Variants in CCDC171 observed in about 807,000 individuals in gnomAD.
CCDC171 encodes the protein coiled-coil domain containing 171.
In CCDC171, 177 loss-of-function variants were observed where a neutral mutation model predicts 168.2. That is an observed-to-expected ratio of 1.05 (90% CI 0.93 to 1.19). CCDC171 has a LOEUF of 1.19. Ranked by LOEUF, CCDC171 falls within the 50% of genes most tolerant of loss-of-function variation. CCDC171 has a pLI of 0.00. For missense variants in CCDC171, 1,991 were observed against 1,539.0 expected, an observed-to-expected ratio of 1.29 and a Z score of -4.91; for synonymous variants, 687 against 540.8, an observed-to-expected ratio of 1.27 and a Z score of -3.75.
intron 1 of CCDC171, among the ~76,000 whole-genome samples, chr9:15,563,690 TC>T (rs1402984860): frequency 6.6e-6 from 1 of 152,142 alleles, no homozygotes; most frequent in African/African-American, 2.4e-5. Context: ...TCAACCTCTG[TC>T]CTAGGTCAGA....
chr9:15,770,192 C>G (rs746802714), intron 18 of CCDC171, among the ~76,000 whole-genome samples: 2 of 152,268 alleles, frequency 1.3e-5, no homozygotes, highest in South Asian at 4.1e-4. Context: ...TATTAAAAAA[C>G]TTGATGTCCA....
At chr9:15,573,480 C>A (rs2131116083) in intron 3 of CCDC171, among the ~76,000 whole-genome samples, 1 of 152,104 alleles carries the variant, frequency 6.6e-6, no homozygotes, top group South Asian at 2.1e-4. Flanking sequence ...TGGGGTTTTA[C>A]CATGTTGGCT....
intron 21 of CCDC171, among the ~76,000 whole-genome samples, chr9:15,836,510 T>C (rs760188224): frequency 6.6e-6 from 1 of 152,090 alleles, no homozygotes; most frequent in African/African-American, 2.4e-5. Flanking sequence ...GGACACCACG[T>C]CCGGCTAATT....
chr9:15,602,942 G>A lies in CCDC171; in HGVS notation c.675+8770G>A, dbSNP rs528136790. Among the ~76,000 whole-genome samples the A allele has an allele frequency of 6.2e-4, 95 of 152,012 alleles. No homozygotes were observed. In the South Asian group the frequency reaches 0.019, roughly 30 times the overall value. ...CAAAGTGCTGAGATTACAGGCGTGA[G>A]CCATCTCGCCTAGCCTTATTTAATT... is the stretch of plus-strand genomic sequence containing the variant. On this transcript the variant is annotated intron_variant, in intron 6 of 25. Transcript: ENST00000380701.
At chr9:16,036,367 G>A (rs926095270) in intron 8 of CCDC171, among the ~76,000 whole-genome samples, 8 of 152,334 alleles carry the variant, frequency 5.3e-5, no homozygotes, top group African/African-American at 1.2e-4. Flanking sequence ...TTTCTTGGCC[G>A]GGCACGGTGG....
At position 16,029,830 on chromosome 9, in the gene CCDC171, T is replaced by C. The variant is rs531555963; in HGVS notation, n.999-5627T>C. On this transcript the variant is annotated intron_variant and non_coding_transcript_variant, in intron 6 of 9. Transcript: ENST00000486641. The stretch of plus-strand genomic sequence containing the variant: ...ACTGAGGGGCTTGTATGTGTTCAAC[T>C]AGCTGGACCATAGCTCCTTGCCAAC... 2.6e-5 allele frequency among the ~76,000 whole-genome samples: 4 copies of C among 152,318 alleles called. No individual in the cohort carries two copies. The South Asian group carries it at 8.3e-4, about 32-fold the overall frequency.
intron 3 of CCDC171, among the ~76,000 whole-genome samples, chr9:16,012,830 G>T (rs1011828163): frequency 6.6e-6 from 1 of 152,156 alleles, no homozygotes; most frequent in African/African-American, 2.4e-5. Context: ...AGGTAGCATT[G>T]CTGTGCATGG....
chr9:15,686,728 G>A (rs2050421347), intron 10 of CCDC171, among the ~76,000 whole-genome samples: 1 of 152,098 alleles, frequency 6.6e-6, no homozygotes, highest in South Asian at 2.1e-4. Flanking sequence ...TTATAAACAT[G>A]TGTACACCTA....
chr9:15,993,223 C>T (rs1832257958), intron 3 of CCDC171, among the ~76,000 whole-genome samples: 1 of 151,966 alleles, frequency 6.6e-6, no homozygotes, highest in Admixed American at 6.5e-5. Context: ...AGCAAAACAG[C>T]ATGGTACTGG....
intron 24 of CCDC171, among the ~76,000 whole-genome samples, chr9:15,894,537 C>T (rs1324905864): frequency 6.6e-6 from 1 of 152,054 alleles, no homozygotes; most frequent in African/African-American, 2.4e-5. Context: ...CTCACTTTGG[C>T]CTTGGGCTCT....
intron 25 of CCDC171, among the ~76,000 whole-genome samples, chr9:15,929,165 T>C (rs1330465350): frequency 6.6e-6 from 1 of 151,666 alleles, no homozygotes; most frequent in Non-Finnish European, 1.5e-5. Context: ...GAGCAAGAAG[T>C]GCCAGAATTA....
chr9:15,604,040 G>A (rs1308809615), intron 6 of CCDC171, among the ~76,000 whole-genome samples: 7 of 149,714 alleles, frequency 4.7e-5, no homozygotes, highest in Non-Finnish European at 1.0e-4. Context: ...TTGGCTGCAT[G>A]TATGTCTTTT....
chr9:15,718,232 G>C (rs1035609294), intron 11 of CCDC171, among the ~76,000 whole-genome samples: 4 of 152,168 alleles, frequency 2.6e-5, no homozygotes, highest in East Asian at 1.9e-4. Context: ...TGGTGGCCAG[G>C]GGGAGAGACT....
the CCDC171 span, among the ~76,000 whole-genome samples, chr9:16,086,003 CT>C: frequency 3.3e-5 from 5 of 151,910 alleles, no homozygotes; most frequent in Non-Finnish European, 7.4e-5. Context: ...AGAAGTTTCT[CT>C]TTTTCTGTTG....
At chr9:15,806,550 T>A (rs1269717932) in intron 21 of CCDC171, among the ~76,000 whole-genome samples, 1 of 152,212 alleles carries the variant, frequency 6.6e-6, no homozygotes, top group East Asian at 1.9e-4. Flanking sequence ...TTAAGAATGT[T>A]GAATATAGGC....
chr9:16,103,831 T>A, the CCDC171 span, among the ~76,000 whole-genome samples: 3 of 152,102 alleles, frequency 2.0e-5, no homozygotes, highest in Non-Finnish European at 4.4e-5. Context: ...ACGCATGGAC[T>A]CCGGGGGGGC....
At chr9:15,568,695 A>C (rs915322353) in intron 2 of CCDC171, among the ~76,000 whole-genome samples, 12 of 152,062 alleles carry the variant, frequency 7.9e-5, no homozygotes, top group African/African-American at 2.9e-4. Flanking sequence ...TGTTGGCTGC[A>C]TGTATGTCTT....
upstream of CCDC171, among the ~76,000 whole-genome samples, chr9:16,039,342 A>T (rs534368046): frequency 1.3e-5 from 2 of 152,272 alleles, no homozygotes; most frequent in East Asian, 3.9e-4. Context: ...TACTGCTGTT[A>T]TGTAACTTGG....
At chr9:15,840,679 G>A (rs987747933) in intron 21 of CCDC171, among the ~76,000 whole-genome samples, 7 of 152,018 alleles carry the variant, frequency 4.6e-5, no homozygotes, top group African/African-American at 1.4e-4. Context: ...CTTACATGTC[G>A]TGTGTCACAA....
Sources: gnomAD v4.1 joint callset for allele counts (sites outside exome capture counted in the v4.1 genomes callset) on GRCh38, gnomAD v4.1.1 for gene constraint, MANE v1.5 for transcripts, NCBI Gene and HGNC (gene_info 2026-07-23, HGNC 2026-07-21) for gene names.